The following SOX5 variants were observed in gnomAD, a reference collection of about 807,000 sequenced individuals.
SOX5 encodes the protein SRY-box transcription factor 5, also known as transcription factor SOX-5.
A neutral mutation model predicts 92.0 loss-of-function variants in SOX5; 9 were observed. The observed-to-expected ratio is 0.10, with a 90% confidence interval of 0.06 to 0.17. The LOEUF is 0.17. SOX5 is among the 10% of genes least tolerant of loss of function. The pLI, the probability that SOX5 is intolerant of heterozygous loss-of-function variation, is 1.00. For synonymous variants in SOX5, 344 were observed against 336.3 expected (o/e 1.02, Z -0.25); for missense variants, 642 against 944.5 (o/e 0.68, Z 4.20).
intron 1 of SOX5, among the ~76,000 whole-genome samples, chr12:24,511,694 C>CA (rs1279274196): frequency 1.3e-5 from 2 of 152,086 alleles, no homozygotes; most frequent in Non-Finnish European, 2.9e-5. Context: ...CGCAGTGGCT[C>CA]ACGTCTGTAA....
chr12:23,752,392 T>C (rs2094208566), intron 4 of SOX5, among the ~76,000 whole-genome samples: 1 of 151,872 alleles, frequency 6.6e-6, no homozygotes, highest in Non-Finnish European at 1.5e-5. Flanking sequence ...TGAGAGTATT[T>C]TGCATGCAGA....
chr12:24,040,249 T>C (rs1956393053), intron 4 of SOX5, among the ~76,000 whole-genome samples: 1 of 152,222 alleles, frequency 6.6e-6, no homozygotes. Flanking sequence ...AAAATATCTA[T>C]GGTTCTAACT....
intron 3 of SOX5, among the ~76,000 whole-genome samples, chr12:24,247,844 G>A (rs541890285): frequency 9.9e-5 from 15 of 151,808 alleles, no homozygotes; most frequent in Admixed American, 3.3e-4. Flanking sequence ...AGTAGAGACG[G>A]GGTTTCACCA....
chr12:24,547,178 ATTTTTTTTTTTTTT>A (rs575562827), intron 1 of SOX5, among the ~76,000 whole-genome samples: 2 of 99,768 alleles, frequency 2.0e-5, no homozygotes, highest in East Asian at 5.0e-4. Flanking sequence ...GATATCTAAC[ATTTTTTTTTTTTTT>A]TTTTTTTTTT....
intron 8 of SOX5, among the ~76,000 whole-genome samples, chr12:23,616,328 G>A (rs963887151): frequency 3.3e-5 from 5 of 152,232 alleles, no homozygotes; most frequent in African/African-American, 7.2e-5. Context: ...ACAGAAGTGG[G>A]TGGAGGCTGG....
At chr12:24,422,795 G>A (rs941764935) in intron 1 of SOX5, among the ~76,000 whole-genome samples, 1 of 152,196 alleles carries the variant, frequency 6.6e-6, no homozygotes, top group African/African-American at 2.4e-5. Context: ...AAGATTGCTT[G>A]AGCTCAGGAG....
At chr12:24,129,327 C>A (rs111460297) in intron 4 of SOX5, among the ~76,000 whole-genome samples, 7,759 of 152,102 alleles carry the variant, frequency 0.051, 249 homozygotes, top group Middle Eastern at 0.088. Flanking sequence ...GACTAATGTA[C>A]CCTTTACTAA....
intron 4 of SOX5, among the ~76,000 whole-genome samples, chr12:24,210,963 A>G (rs1240042652): frequency 1.3e-5 from 2 of 152,202 alleles, no homozygotes; most frequent in Admixed American, 6.5e-5. Flanking sequence ...ATCTGCTAAG[A>G]TTCCTTTAAT....
chr12:23,839,626 A>G (rs1019566044), intron 3 of SOX5, among the ~76,000 whole-genome samples: 1 of 152,178 alleles, frequency 6.6e-6, no homozygotes, highest in African/African-American at 2.4e-5. Flanking sequence ...ATCTATCAAA[A>G]TAACTATAAA....
chr12:24,440,745 T>C (rs970693658), intron 1 of SOX5, among the ~76,000 whole-genome samples: 2 of 151,998 alleles, frequency 1.3e-5, no homozygotes, highest in Non-Finnish European at 2.9e-5. Flanking sequence ...TCCCCTCACC[T>C]ACTCCCTCAA....
At chr12:23,859,707 G>A (rs561780111) in intron 2 of SOX5, among the ~76,000 whole-genome samples, 6 of 152,260 alleles carry the variant, frequency 3.9e-5, no homozygotes, top group African/African-American at 1.4e-4. Flanking sequence ...TTGTGGCTCA[G>A]GTGGGCATCA....
chr12:23,679,981 GAAGT>G (rs1278492925), intron 6 of SOX5, among the ~76,000 whole-genome samples: 1 of 151,494 alleles, frequency 6.6e-6, no homozygotes, highest in Admixed American at 6.6e-5. Flanking sequence ...AAACTTGAAA[GAAGT>G]TCAGGAAGAT....
chr12:23,734,209 C>T (rs763273343), intron 6 of SOX5, among the ~76,000 whole-genome samples: 2 of 152,126 alleles, frequency 1.3e-5, no homozygotes. Flanking sequence ...TTTCTCCAGG[C>T]AAAACCACAG....
intron 4 of SOX5, among the ~76,000 whole-genome samples, chr12:24,187,537 T>C (rs1424462210): frequency 1.3e-5 from 2 of 152,230 alleles, no homozygotes; most frequent in Non-Finnish European, 2.9e-5. Flanking sequence ...TTGTGACTTT[T>C]CATTACCATT....
intron 4 of SOX5, among the ~76,000 whole-genome samples, chr12:24,178,924 T>C (rs985480928): frequency 3.3e-5 from 5 of 152,152 alleles, no homozygotes; most frequent in African/African-American, 7.2e-5. Context: ...TCCAGATAGA[T>C]AGAAACAGAA....
chr12:24,181,279 A>T (rs528623806), intron 4 of SOX5, among the ~76,000 whole-genome samples: 1 of 152,290 alleles, frequency 6.6e-6, no homozygotes, highest in South Asian at 2.1e-4. Context: ...ATGCCTACTT[A>T]ACTTTGGTTG....
intron 3 of SOX5, among the ~76,000 whole-genome samples, chr12:24,259,435 G>A (rs753253639): frequency 5.3e-5 from 8 of 152,110 alleles, no homozygotes; most frequent in Non-Finnish European, 7.3e-5. Flanking sequence ...TATTGCATAC[G>A]TAGACTGTGC....
chr12:24,016,430 A>G (rs1396325200), intron 4 of SOX5, among the ~76,000 whole-genome samples: 1 of 152,176 alleles, frequency 6.6e-6, no homozygotes. Flanking sequence ...GGACTTAACC[A>G]TAAATAACTA....
At chr12:23,815,068 T>C (rs957183817) in intron 3 of SOX5, among the ~76,000 whole-genome samples, 1 of 152,194 alleles carries the variant, frequency 6.6e-6, no homozygotes, top group South Asian at 2.1e-4. Context: ...GAAATCTTTA[T>C]GGAAGGGCCA....
Sources: allele counts gnomAD v4.1 joint callset (sites outside exome capture counted in the v4.1 genomes callset), GRCh38; gene constraint gnomAD v4.1.1; transcripts MANE v1.5; gene names NCBI Gene and HGNC (gene_info 2026-07-23, HGNC 2026-07-21).